PCDH7: variants seen among roughly 807,000 people sequenced by gnomAD.
PCDH7 encodes protocadherin-7.
In PCDH7, 17 loss-of-function variants were observed where a neutral mutation model predicts 58.9. The ratio of observed to expected loss-of-function variants is 0.29; its 90% CI spans 0.20 to 0.43. The LOEUF (loss-of-function observed/expected upper bound fraction) is 0.43, where lower values mean the gene tolerates loss of function less well. Ranked by LOEUF, PCDH7 falls within the 20% of genes least tolerant of loss-of-function variation. The pLI is 1.00. For missense variants in PCDH7, 1,274 were observed against 1,441.0 expected, an observed-to-expected ratio of 0.88 and a Z score of 1.88; for synonymous variants, 664 against 616.4, an observed-to-expected ratio of 1.08 and a Z score of -1.14.
intron 3 of PCDH7, among the ~76,000 whole-genome samples, chr4:31,014,599 T>G (rs2109157774): frequency 6.6e-6 from 1 of 152,322 alleles, no homozygotes; most frequent in South Asian, 2.1e-4. Flanking sequence ...CATCGATTTT[T>G]ATCTTAACAA....
intron 3 of PCDH7, among the ~76,000 whole-genome samples, chr4:31,131,814 C>T (rs1442949885): frequency 6.6e-6 from 1 of 151,974 alleles, no homozygotes; most frequent in Non-Finnish European, 1.5e-5. Flanking sequence ...TTGAAAATAG[C>T]CATGTTATTA....
intron 1 of PCDH7, among the ~76,000 whole-genome samples, chr4:30,824,111 C>G (rs1223826080): frequency 2.1e-5 from 3 of 140,170 alleles, no homozygotes; most frequent in African/African-American, 8.0e-5. Flanking sequence ...TTCTTTCTTT[C>G]TTTCTTTCTT....
intron 1 of PCDH7, among the ~76,000 whole-genome samples, chr4:30,857,208 C>T (rs976152730): frequency 5.3e-5 from 8 of 152,058 alleles, no homozygotes; most frequent in Non-Finnish European, 1.0e-4. Flanking sequence ...GAATGCCTTT[C>T]ATTTAATAGG....
chr4:30,928,179 C>T (rs541570537), intron 2 of PCDH7, among the ~76,000 whole-genome samples: 3 of 152,106 alleles, frequency 2.0e-5, no homozygotes, highest in Non-Finnish European at 4.4e-5. Flanking sequence ...TCCATCTTGG[C>T]CCTCCAAAGT....
At chr4:30,739,237 A>C (rs1276620925) in intron 1 of PCDH7, among the ~76,000 whole-genome samples, 1 of 148,216 alleles carries the variant, frequency 6.7e-6, no homozygotes, top group Non-Finnish European at 1.5e-5. Context: ...AACTCATCAA[A>C]GTCCAGAAGG....
Position 30,722,798 on chromosome 4 carries a change from C to A in PCDH7, c.1376C>A (p.Thr459Asn). The A allele has an allele frequency of 6.2e-7, 1 of 1,613,644 alleles. No homozygotes were observed. The highest frequency in any genetic ancestry group is 8.5e-7 in the Non-Finnish European group (1 of 1,180,032). The change falls in exon 1 of 2, where the codon ACC (threonine) becomes AAC (asparagine). Residue 459 changes from threonine (T) to asparagine (N), a missense_variant. Physicochemically the swap from Thr to Asn is moderately conservative, Grantham distance 65. Coordinates refer to ENST00000361762, the Ensembl canonical transcript of PCDH7. This position sits in a 1 kb window ranked among gnomAD's most constrained non-coding sequence, Gnocchi z 7.6. ...GACCAAGGCGAGAACGGGGTGGTCA[C>A]CTGCACCGTGGTGGGCGACGTGCCC...
At chr4:30,873,921 C>A (rs1041736734) in intron 1 of PCDH7, among the ~76,000 whole-genome samples, 1 of 151,892 alleles carries the variant, frequency 6.6e-6, no homozygotes, top group Non-Finnish European at 1.5e-5. Flanking sequence ...GTCTAAATAA[C>A]CCTAACAGTA....
At chr4:31,146,027 G>A (rs1720651187), downstream of PCDH7, 1 of 152,114 alleles carries the variant, frequency 6.6e-6, no homozygotes, top group African/African-American at 2.4e-5. Flanking sequence ...TAAAACGTCT[G>A]TAGCTTCAAT....
intron 1 of PCDH7, among the ~76,000 whole-genome samples, chr4:30,822,623 AT>A (rs556868525): frequency 3.3e-5 from 5 of 151,354 alleles, no homozygotes; most frequent in South Asian, 2.1e-4. Context: ...AAAAATTTAT[AT>A]TTTTTTTTAG....
intron 3 of PCDH7, among the ~76,000 whole-genome samples, chr4:31,048,438 A>T (rs370165800): frequency 3.3e-5 from 5 of 152,258 alleles, no homozygotes; most frequent in African/African-American, 1.2e-4. Context: ...AATCCATGGC[A>T]ATATAATTAT....
chr4:31,017,415 G>T (rs1753701793), intron 3 of PCDH7, among the ~76,000 whole-genome samples: 1 of 152,054 alleles, frequency 6.6e-6, no homozygotes, highest in Admixed American at 6.6e-5. Context: ...ATATACACTG[G>T]TCCCATAGAG....
intron 3 of PCDH7, among the ~76,000 whole-genome samples, chr4:31,016,248 G>A (rs183826756): frequency 1.2e-3 from 189 of 152,192 alleles, no homozygotes; most frequent in African/African-American, 4.4e-3. Flanking sequence ...ACCACTTTCT[G>A]GGTGGACTGT....
chr4:30,776,635 A>G (rs1432603554), intron 1 of PCDH7, among the ~76,000 whole-genome samples: 5 of 152,204 alleles, frequency 3.3e-5, no homozygotes, highest in Admixed American at 3.3e-4. Flanking sequence ...TTCAGAGACA[A>G]CCAATGAGAG....
chr4:30,855,260 T>G (rs762756160), intron 1 of PCDH7, among the ~76,000 whole-genome samples: 3 of 152,150 alleles, frequency 2.0e-5, no homozygotes, highest in African/African-American at 4.8e-5. Flanking sequence ...TTTGTAAAGA[T>G]GCTTGATTTG....
At chr4:30,808,595 A>C (rs1438969317) in intron 1 of PCDH7, among the ~76,000 whole-genome samples, 3 of 152,114 alleles carry the variant, frequency 2.0e-5, no homozygotes, top group African/African-American at 7.2e-5. Flanking sequence ...TCATATAAGC[A>C]ATTACTTTTT....
rs148335515 is a variant in PCDH7 at position 31,062,546 on chromosome 4, G to A, written c.*8-79927G>A. Among the ~76,000 whole-genome samples the A allele has an allele frequency of 2.7e-4, 41 of 151,868 alleles. No homozygotes were observed. The East Asian group carries it at 8.0e-3, about 29-fold the overall frequency. On this transcript the variant is annotated intron_variant, in intron 3 of 3. Transcript: ENST00000509759. ...GAGAGCCAAACCCTTCTGAGTTGTA[G>A]AGGTGCCTGCCTCTCAGTGCCAAAT... is the stretch of plus-strand genomic sequence containing the variant.
chr4:30,890,451 A>T (rs1385526858), intron 1 of PCDH7, among the ~76,000 whole-genome samples: 2 of 151,606 alleles, frequency 1.3e-5, no homozygotes, highest in Admixed American at 1.3e-4. Flanking sequence ...CTGCTAAAAG[A>T]TGGAATTGCA....
At chr4:30,886,503 G>C (rs1052175580) in intron 1 of PCDH7, among the ~76,000 whole-genome samples, 3,546 of 144,076 alleles carry the variant, frequency 0.025, 250 homozygotes, top group African/African-American at 0.086. Context: ...GGAGAAATAG[G>C]AACCCTTTTA....
chr4:31,011,677 G>A (rs942027848), intron 3 of PCDH7, among the ~76,000 whole-genome samples: 1 of 151,884 alleles, frequency 6.6e-6, no homozygotes, highest in Non-Finnish European at 1.5e-5. Context: ...AAATAATAAA[G>A]TACAATTTCA....
Sources: gnomAD v4.1 joint callset for allele counts (sites outside exome capture counted in the v4.1 genomes callset) on GRCh38, gnomAD v4.1.1 for gene constraint, Gnocchi (gnomAD v3.1) non-coding constraint, MANE v1.5 for transcripts, NCBI Gene and HGNC (gene_info 2026-07-23, HGNC 2026-07-21) for gene names.